LDB2: variants seen among roughly 807,000 people sequenced by gnomAD.
The protein encoded by LDB2 is LIM domain binding 2, also known as LIM domain-binding protein 2.
In LDB2, 12 loss-of-function variants were observed where a neutral mutation model predicts 44.3. That is an observed-to-expected ratio of 0.27 (90% CI 0.17 to 0.44). The LOEUF is 0.44. Among genes scored for constraint, LDB2 ranks in the 20% least tolerant of loss-of-function variants. The pLI is 1.00. For synonymous variants in LDB2, 164 were observed against 174.8 expected, an observed-to-expected ratio of 0.94 and a Z score of 0.49; for missense variants, 344 against 473.5, an observed-to-expected ratio of 0.73 and a Z score of 2.54.
chr4:16,692,201 G>T (rs182835359), intron 2 of LDB2, among the ~76,000 whole-genome samples: 2 of 152,104 alleles, frequency 1.3e-5, no homozygotes, highest in African/African-American at 4.8e-5. Context: ...ATGCAGATGC[G>T]TACATAAACT....
chr4:16,825,711 A>G (rs556627306), intron 1 of LDB2, among the ~76,000 whole-genome samples: 86 of 152,184 alleles, frequency 5.7e-4, no homozygotes, highest in Middle Eastern at 6.8e-3. Flanking sequence ...AAACAGAAAA[A>G]CATCCAGAGC....
Position 16,845,753 on chromosome 4 carries a change from A to T in LDB2, c.132+52601T>A, listed in dbSNP as rs1001268577. Among the ~76,000 whole-genome samples, 5 of 152,116 alleles carry T rather than the reference A, an allele frequency of 3.3e-5. No homozygotes were observed. The East Asian group carries it at 5.8e-4, about 18-fold the overall frequency. On this transcript the variant is annotated intron_variant, in intron 1 of 7. Coordinates refer to ENST00000304523, the MANE Select transcript of LDB2 (RefSeq NM_001290.5). ...TAATTTTCAAGTACTACTAGTCCTA[A>T]TTTATGGGGATATTAATTAGGAAAT...
rs571086429 is a variant in LDB2, at chr4:16,564,702, G to A, written c.615+21220C>T. ...ACTGTGTATGTTAAAATATATTAAA[G>A]GCAGCATCTTCAAATAAAAAAAATT... On this transcript the variant is annotated intron_variant, in intron 5 of 7. Coordinates refer to ENST00000304523, the MANE Select transcript of LDB2 (RefSeq NM_001290.5). 3.9e-5 allele frequency among the ~76,000 whole-genome samples: 6 copies of A among 152,130 alleles called. No individual in the cohort carries two copies. The South Asian group carries it at 1.2e-3, about 32-fold the overall frequency.
At chr4:16,730,586 A>G (rs1285264741) in intron 2 of LDB2, among the ~76,000 whole-genome samples, 1 of 152,292 alleles carries the variant, frequency 6.6e-6, no homozygotes, top group South Asian at 2.1e-4. Context: ...CCCAATCTCT[A>G]TAAGGTGGCA....
intron 1 of LDB2, among the ~76,000 whole-genome samples, chr4:16,848,585 C>T (rs1211964868): frequency 1.3e-5 from 2 of 152,150 alleles, no homozygotes; most frequent in Non-Finnish European, 2.9e-5. Flanking sequence ...TAACCCTCCT[C>T]AGCTTGAACA....
intron 2 of LDB2, among the ~76,000 whole-genome samples, chr4:16,613,818 G>A (rs1726358367): frequency 2.0e-5 from 3 of 152,176 alleles, no homozygotes; most frequent in South Asian, 2.1e-4. Flanking sequence ...AGGAAGAATC[G>A]ATATTGAGAA....
At chr4:16,872,412 A>T (rs1350320263) in intron 1 of LDB2, among the ~76,000 whole-genome samples, 2 of 152,330 alleles carry the variant, frequency 1.3e-5, no homozygotes, top group East Asian at 3.9e-4. Flanking sequence ...CTCAGAATTG[A>T]ATAAAACTTT....
At chr4:16,785,006 C>G (rs1042072121) in intron 1 of LDB2, among the ~76,000 whole-genome samples, 3 of 57,122 alleles carry the variant, frequency 5.3e-5, no homozygotes, top group African/African-American at 1.0e-4. Flanking sequence ...AATTGAAGAA[C>G]AGTTTTTTTT....
chr4:16,612,437 G>A (rs1434267175), intron 2 of LDB2, among the ~76,000 whole-genome samples: 5 of 151,950 alleles, frequency 3.3e-5, no homozygotes, highest in Non-Finnish European at 7.4e-5. Context: ...CAGGTTTTTT[G>A]AGAAAAATTA....
chr4:16,881,144 C>A (rs1197307956), intron 1 of LDB2, among the ~76,000 whole-genome samples: 1 of 152,148 alleles, frequency 6.6e-6, no homozygotes, highest in Non-Finnish European at 1.5e-5. Flanking sequence ...TGTAACCTAC[C>A]TGGGCCTCAG....
intron 2 of LDB2, among the ~76,000 whole-genome samples, chr4:16,650,157 T>A (rs1176156823): frequency 1.3e-5 from 2 of 152,174 alleles, no homozygotes; most frequent in African/African-American, 4.8e-5. Flanking sequence ...GCACCACCAC[T>A]TCCAAGCTCT....
chr4:16,628,999 C>A (rs537986483), intron 2 of LDB2, among the ~76,000 whole-genome samples: 3 of 152,344 alleles, frequency 2.0e-5, no homozygotes, highest in African/African-American at 7.2e-5. Context: ...GCTTTGCTTG[C>A]TGCTAGTGCA....
chr4:16,619,185 A>ACAAAAG (rs920597145), intron 2 of LDB2, among the ~76,000 whole-genome samples: 9 of 152,116 alleles, frequency 5.9e-5, no homozygotes, highest in Admixed American at 2.0e-4. Flanking sequence ...GAAAACAAAA[A>ACAAAAG]CAAAAGCAAA....
intron 1 of LDB2, among the ~76,000 whole-genome samples, chr4:16,858,315 G>A (rs1189615701): frequency 3.3e-5 from 5 of 152,214 alleles, no homozygotes; most frequent in African/African-American, 1.2e-4. Context: ...AAAGCATAGA[G>A]CGCTTTATAA....
chr4:16,726,994 G>A (rs1315432266), intron 2 of LDB2, among the ~76,000 whole-genome samples: 1 of 152,172 alleles, frequency 6.6e-6, no homozygotes, highest in Non-Finnish European at 1.5e-5. Context: ...ACATGGGTCG[G>A]TTTGCTTTAG....
chr4:16,807,425 G>A (rs1346950691), intron 1 of LDB2, among the ~76,000 whole-genome samples: 1 of 152,190 alleles, frequency 6.6e-6, no homozygotes, highest in Non-Finnish European at 1.5e-5. Flanking sequence ...ACCTGTGTGT[G>A]TGAGAAACAG....
chr4:16,567,386 G>A (rs1402538197), intron 5 of LDB2, among the ~76,000 whole-genome samples: 2 of 12,762 alleles, frequency 1.6e-4, no homozygotes, highest in Non-Finnish European at 1.0e-3. Context: ...GTGTGTGTGC[G>A]CGTGTGTGCA....
chr4:16,618,065 C>A (rs1287729340), intron 2 of LDB2, among the ~76,000 whole-genome samples: 2 of 152,172 alleles, frequency 1.3e-5, no homozygotes, highest in African/African-American at 2.4e-5. Flanking sequence ...TTTCCACAGG[C>A]CAATTCTGTT....
chr4:16,849,608 A>G (rs1462139020), intron 1 of LDB2, among the ~76,000 whole-genome samples: 1 of 152,196 alleles, frequency 6.6e-6, no homozygotes, highest in Non-Finnish European at 1.5e-5. Flanking sequence ...GGTCCAATTG[A>G]TGTATTAACT....
Sources: gnomAD v4.1 joint callset for allele counts (sites outside exome capture counted in the v4.1 genomes callset) on GRCh38, gnomAD v4.1.1 for gene constraint, MANE v1.5 for transcripts, NCBI Gene and HGNC (gene_info 2026-07-23, HGNC 2026-07-21) for gene names.